CCSER1: variants seen among roughly 807,000 people sequenced by gnomAD.
The protein encoded by CCSER1 is serine-rich coiled-coil domain-containing protein 1.
Under a neutral mutation model 82.0 loss-of-function variants are expected in CCSER1, and 41 were observed. The ratio of observed to expected loss-of-function variants is 0.50; its 90% CI spans 0.39 to 0.65. The LOEUF (loss-of-function observed/expected upper bound fraction) is 0.65. CCSER1 is among the 30% of genes least tolerant of loss of function. The pLI is 0.00. For synonymous variants in CCSER1, 414 were observed against 383.9 expected (o/e 1.08, Z -0.92); for missense variants, 1,119 against 1,064.2 (o/e 1.05, Z -0.72).
intron 10 of CCSER1, among the ~76,000 whole-genome samples, chr4:91,318,662 G>A (rs552991531): frequency 6.6e-6 from 1 of 152,100 alleles, no homozygotes; most frequent in Admixed American, 6.6e-5. Flanking sequence ...AATTGTAAAT[G>A]CTACTTTAAA....
chr4:91,212,556 T>C (rs1736905875), intron 10 of CCSER1, among the ~76,000 whole-genome samples: 1 of 152,114 alleles, frequency 6.6e-6, no homozygotes, highest in Non-Finnish European at 1.5e-5. Flanking sequence ...TGTATTTTAA[T>C]GGAGCAAGAG....
At chr4:90,753,431 A>C (rs1009099124) in intron 7 of CCSER1, among the ~76,000 whole-genome samples, 2 of 152,100 alleles carry the variant, frequency 1.3e-5, no homozygotes, top group Non-Finnish European at 2.9e-5. Flanking sequence ...TCAGTTGCTC[A>C]AGCCAAAAAT....
At chr4:91,145,326 C>T (rs1729435880) in intron 10 of CCSER1, among the ~76,000 whole-genome samples, 1 of 152,050 alleles carries the variant, frequency 6.6e-6, no homozygotes, top group Admixed American at 6.6e-5. Context: ...TTCTCTGTCC[C>T]TTTACTTTGA....
intron 1 of CCSER1, among the ~76,000 whole-genome samples, chr4:90,260,313 G>A (rs1020818624): frequency 2.6e-5 from 4 of 152,140 alleles, no homozygotes; most frequent in African/African-American, 9.6e-5. Flanking sequence ...TTATAAAATC[G>A]TTGACTTTCT....
chr4:91,597,299 C>T (rs1454669730), intron 10 of CCSER1, among the ~76,000 whole-genome samples: 1 of 152,042 alleles, frequency 6.6e-6, no homozygotes, highest in Non-Finnish European at 1.5e-5. Flanking sequence ...GTTGGAAATA[C>T]ACACCCAATA....
In CCSER1 at chr4:91,165,033, G is replaced by T. The variant is rs150037229; in HGVS notation, c.2217+79039G>T. ...GGTGCTCTAATTTTTAGAATTTTCA[G>T]CTTTTCTGCTCTGGTTTCTCCCCAT... On this transcript the variant is annotated intron_variant, in intron 10 of 10. Coordinates refer to ENST00000509176, the MANE Select transcript of CCSER1 (RefSeq NM_001145065.2). Among the ~76,000 whole-genome samples, 823 of 152,240 alleles carry T rather than the reference G, an allele frequency of 5.4e-3. 7 individuals are homozygous for T. Among genetic ancestry groups the T allele is most frequent in the African/African-American group, 0.019 (780 of 41,534 alleles).
intron 10 of CCSER1, among the ~76,000 whole-genome samples, chr4:91,403,218 A>G (rs1401440888): frequency 6.6e-6 from 1 of 152,144 alleles, no homozygotes; most frequent in African/African-American, 2.4e-5. Context: ...GTGTATAGGA[A>G]TGCTTGTGAT....
chr4:91,162,360 AT>A, intron 10 of CCSER1, among the ~76,000 whole-genome samples: 1 of 152,258 alleles, frequency 6.6e-6, no homozygotes, highest in South Asian at 2.1e-4. Flanking sequence ...TTTTAGATTA[AT>A]GTTCATCAGG....
chr4:90,639,723 G>A (rs1334528953), intron 6 of CCSER1, among the ~76,000 whole-genome samples: 1 of 152,014 alleles, frequency 6.6e-6, no homozygotes, highest in African/African-American at 2.4e-5. Context: ...GACTAGAAGA[G>A]GAGTAACCTG....
chr4:90,705,111 G>T (rs1208896391), intron 6 of CCSER1, among the ~76,000 whole-genome samples: 1 of 152,098 alleles, frequency 6.6e-6, no homozygotes, highest in Admixed American at 6.5e-5. Flanking sequence ...GTTTTATCTA[G>T]CTTTGGTCTT....
intron 10 of CCSER1, among the ~76,000 whole-genome samples, chr4:91,151,497 A>G (rs971762602): frequency 5.3e-5 from 8 of 151,824 alleles, no homozygotes; most frequent in Admixed American, 1.3e-4. Context: ...TTAGTTAACT[A>G]TTTCTTACCT....
At chr4:91,136,060 A>C (rs1728441696) in intron 10 of CCSER1, among the ~76,000 whole-genome samples, 1 of 152,186 alleles carries the variant, frequency 6.6e-6, no homozygotes, top group South Asian at 2.1e-4. Flanking sequence ...ACAGTAAAAA[A>C]TTTTAGTTTC....
intron 6 of CCSER1, among the ~76,000 whole-genome samples, chr4:90,684,433 G>A (rs1210221096): frequency 6.6e-6 from 1 of 151,920 alleles, no homozygotes; most frequent in Non-Finnish European, 1.5e-5. Flanking sequence ...TGTCCTTACT[G>A]TTTAAGCCTT....
intron 8 of CCSER1, among the ~76,000 whole-genome samples, chr4:90,898,132 C>G (rs1409810737): frequency 6.6e-6 from 1 of 151,430 alleles, no homozygotes; most frequent in Non-Finnish European, 1.5e-5. Flanking sequence ...CATTTGTCTA[C>G]TTTTCTTTTT....
At chr4:91,322,559 A>G (rs1746268823) in intron 10 of CCSER1, among the ~76,000 whole-genome samples, 1 of 152,092 alleles carries the variant, frequency 6.6e-6, no homozygotes, top group Admixed American at 6.6e-5. Context: ...CTTTTATTCA[A>G]CACAATAACT....
At chr4:90,645,838 A>G (rs111776992) in intron 6 of CCSER1, among the ~76,000 whole-genome samples, 1,629 of 152,290 alleles carry the variant, frequency 0.011, 29 homozygotes, top group African/African-American at 0.037. Flanking sequence ...AAACATATCT[A>G]TTTTATTTAA....
intron 3 of CCSER1, among the ~76,000 whole-genome samples, chr4:90,333,656 AGT>A (rs1319285307): frequency 6.6e-6 from 1 of 152,192 alleles, no homozygotes; most frequent in African/African-American, 2.4e-5. Flanking sequence ...CAATTGTCAA[AGT>A]GTAATTTTCA....
intron 10 of CCSER1, among the ~76,000 whole-genome samples, chr4:91,205,792 C>T (rs189997556): frequency 0.012 from 1,781 of 151,064 alleles, 21 homozygotes; most frequent in African/African-American, 0.04. Context: ...TAAAAATAAA[C>T]GTTTTTTAAA....
chr4:90,658,701 C>G (rs1179432591), intron 6 of CCSER1, among the ~76,000 whole-genome samples: 1 of 152,156 alleles, frequency 6.6e-6, no homozygotes, highest in African/African-American at 2.4e-5. Context: ...TTACTCCCCT[C>G]TAGGAATAAC....
Sources: allele counts gnomAD v4.1 joint callset (sites outside exome capture counted in the v4.1 genomes callset), GRCh38; gene constraint gnomAD v4.1.1; transcripts MANE v1.5; gene names NCBI Gene and HGNC (gene_info 2026-07-23, HGNC 2026-07-21).